Variants in TMEM244 observed in about 807,000 individuals in gnomAD.
TMEM244 encodes the protein transmembrane protein 244.
Under a neutral mutation model 15.8 loss-of-function variants are expected in TMEM244, and 13 were observed. The observed-to-expected ratio is 0.82, with a 90% confidence interval of 0.53 to 1.30. The LOEUF (loss-of-function observed/expected upper bound fraction) is 1.30, where lower values mean the gene tolerates loss of function less well. Ranked by LOEUF, TMEM244 falls within the 50% of genes most tolerant of loss-of-function variation. TMEM244 has a pLI of 0.00. For synonymous variants in TMEM244, 45 were observed against 48.7 expected (o/e 0.92, Z 0.32); for missense variants, 161 against 144.9 (o/e 1.11, Z -0.57).
At chr6:129,860,715 A>G (rs1271585440) in intron 1 of TMEM244, among the ~76,000 whole-genome samples, 2 of 152,094 alleles carry the variant, frequency 1.3e-5, no homozygotes, top group African/African-American at 4.8e-5. Context: ...CTCGGGGGAA[A>G]AAGAAACTAA....
chr6:129,832,570 C>T (rs538851479), intron 4 of TMEM244, among the ~76,000 whole-genome samples: 110 of 152,100 alleles, frequency 7.2e-4, no homozygotes, highest in South Asian at 6.0e-3. Context: ...GAAAATACGG[C>T]GGATGAGTAC....
At chr6:129,856,976 A>G (rs1458274030) in intron 1 of TMEM244, among the ~76,000 whole-genome samples, 2 of 152,006 alleles carry the variant, frequency 1.3e-5, no homozygotes, top group Non-Finnish European at 2.9e-5. Flanking sequence ...AGTGTTAATC[A>G]TATAGATTTT....
intron 1 of TMEM244, among the ~76,000 whole-genome samples, chr6:129,847,749 C>T (rs1421351784): frequency 6.6e-6 from 1 of 151,524 alleles, no homozygotes; most frequent in Non-Finnish European, 1.5e-5. Flanking sequence ...CAGGATCTCA[C>T]ATTCCTTGTT....
chr6:129,845,141 C>T (rs1776544097), intron 2 of TMEM244, among the ~76,000 whole-genome samples: 2 of 152,082 alleles, frequency 1.3e-5, no homozygotes, highest in Admixed American at 1.3e-4. Context: ...TGGATGATTC[C>T]ATTTGACAAA....
intron 1 of TMEM244, among the ~76,000 whole-genome samples, chr6:129,848,963 C>A: frequency 1.3e-5 from 2 of 152,056 alleles, no homozygotes; most frequent in Middle Eastern, 6.9e-3. Context: ...TATTAAACTT[C>A]AAATAACATT....
At chr6:129,849,300 A>G (rs880700) in intron 1 of TMEM244, among the ~76,000 whole-genome samples, 17,927 of 152,092 alleles carry the variant, frequency 0.12, 1,427 homozygotes, top group Non-Finnish European at 0.18. Flanking sequence ...ATAAATCTAG[A>G]TTTTCAAATA....
rs1343386660 is a variant in TMEM244 at position 129,831,255 on chromosome 6, A to C, written c.*64T>G. The C allele has an allele frequency of 1.0e-6, 1 of 977,740 alleles. No individual in the cohort carries two copies. The highest frequency in any genetic ancestry group is 1.6e-6 in the Non-Finnish European group (1 of 629,834). 60.6% of individuals were successfully genotyped at this position (977,740 alleles called of 1,614,324 possible). A position where few individuals can be genotyped will look rare whatever the true frequency, so the allele number is the denominator to read the frequency against. On this transcript the variant is annotated 3_prime_UTR_variant, in exon 5 of 5. Transcript: ENST00000368143. ...TAGAAAGACAATAATTGTAAAATCTATGAGAAAATAAAATATATTTCCACA... is the reference window on the plus strand; with the variant it reads ...TAGAAAGACAATAATTGTAAAATCTCTGAGAAAATAAAATATATTTCCACA...
intron 1 of TMEM244, among the ~76,000 whole-genome samples, chr6:129,860,165 T>C (rs937588762): frequency 1.3e-5 from 2 of 151,160 alleles, no homozygotes; most frequent in African/African-American, 2.4e-5. Context: ...GTCTGGTCTG[T>C]GTAAGCCCCG....
At chr6:129,859,927 G>A (rs1776776362) in intron 1 of TMEM244, among the ~76,000 whole-genome samples, 1 of 152,146 alleles carries the variant, frequency 6.6e-6, no homozygotes, top group African/African-American at 2.4e-5. Flanking sequence ...TAAAAGAAAA[G>A]TTAACTCATA....
At chr6:129,844,303 G>A (rs1776533098) in intron 2 of TMEM244, among the ~76,000 whole-genome samples, 1 of 152,128 alleles carries the variant, frequency 6.6e-6, no homozygotes, top group African/African-American at 2.4e-5. Flanking sequence ...TGATGTCTCA[G>A]CTAGAATCTT....
chr6:129,852,750 C>A (rs553241386), intron 1 of TMEM244, among the ~76,000 whole-genome samples: 1 of 152,272 alleles, frequency 6.6e-6, no homozygotes, highest in East Asian at 1.9e-4. Context: ...CAACCAGCGC[C>A]TCACCTTCCT....
intron 1 of TMEM244, 91 bp downstream of exon 1, chr6:129,861,065 A>G: frequency 7.1e-7 from 1 of 1,410,562 alleles, no homozygotes; most frequent in South Asian, 1.2e-5. Context: ...CAAGTTGCCC[A>G]CTGACAGAGA....
At chr6:129,857,801 T>C (rs959963004) in intron 1 of TMEM244, among the ~76,000 whole-genome samples, 1 of 149,964 alleles carries the variant, frequency 6.7e-6, no homozygotes, top group Non-Finnish European at 1.5e-5. Flanking sequence ...TGGTTTTTTA[T>C]ATATATATAT....
chr6:129,835,759 G>C (rs867930039), intron 3 of TMEM244, among the ~76,000 whole-genome samples: 58 of 152,292 alleles, frequency 3.8e-4, no homozygotes, highest in African/African-American at 1.2e-3. Context: ...ACCCTCCCAT[G>C]CCTGGTTCGG....
chr6:129,844,801 G>A (rs1359396849), intron 2 of TMEM244, among the ~76,000 whole-genome samples: 3 of 152,220 alleles, frequency 2.0e-5, no homozygotes. Context: ...TTGCCTGCAA[G>A]CATGCTGAAT....
chr6:129,831,513 A>G, intron 4 of TMEM244, 127 bp from the exon 5 acceptor site: 1 of 674,036 alleles, frequency 1.5e-6, no homozygotes, highest in Non-Finnish European at 2.6e-6. Context: ...TCATGAAATC[A>G]GGTAGCCCCA....
In TMEM244 at chr6:129,843,595, T is replaced by G. The variant is rs747868402; in HGVS notation, c.128A>C (p.Glu43Ala). 1.2e-6 allele frequency: 2 copies of G among 1,611,174 alleles called. No homozygotes were observed. Among genetic ancestry groups the G allele is most frequent in the Non-Finnish European group, 1.7e-6 (2 of 1,177,760 alleles). ...ATCAAATGGAGCCAGGACATTCAAC[T>G]CATGCACCCTAAAGATGTTATAAGT... ...SMGCVMFEVH[E>A]LNVLAPFDFK... The change falls in exon 3 of 5, where the codon GAG becomes GCG. Residue 43 changes from glutamate to alanine, a missense_variant. By Grantham distance (107) the Glu-to-Ala change is moderately radical. Coordinates refer to ENST00000368143, the MANE Select transcript of TMEM244 (RefSeq NM_001010876.2).
At chr6:129,832,865 A>G (rs1295473208) in intron 4 of TMEM244, among the ~76,000 whole-genome samples, 2 of 152,186 alleles carry the variant, frequency 1.3e-5, no homozygotes, top group African/African-American at 4.8e-5. Flanking sequence ...TAAAATAACT[A>G]TTGTTGGATA....
intron 4 of TMEM244, 108 bp from the exon 5 acceptor site, chr6:129,831,494 T>C: frequency 2.6e-6 from 2 of 763,602 alleles, no homozygotes; most frequent in Non-Finnish European, 2.2e-6. Flanking sequence ...AGAGAAGGTT[T>C]ATCCATGTTC....
Sources: gnomAD v4.1 joint callset for allele counts (sites outside exome capture counted in the v4.1 genomes callset) on GRCh38, gnomAD v4.1.1 for gene constraint, MANE v1.5 for transcripts, NCBI Gene and HGNC (gene_info 2026-07-23, HGNC 2026-07-21) for gene names.